Variants in VWC2 observed in about 807,000 individuals in gnomAD.
The protein encoded by VWC2 is von Willebrand factor C domain containing 2, also known as brorin.
In VWC2, 14 loss-of-function variants were observed where a neutral mutation model predicts 29.8. That is an observed-to-expected ratio of 0.47 (90% CI 0.31 to 0.74). The LOEUF (loss-of-function observed/expected upper bound fraction) is 0.74. Ranked by LOEUF, VWC2 falls within the 30% of genes least tolerant of loss-of-function variation. The probability of loss-of-function intolerance (pLI) is 0.05; values close to 1 mark genes in which losing one functional copy is unlikely to be tolerated. For missense variants in VWC2, 457 were observed against 459.8 expected (o/e 0.99, Z 0.05); for synonymous variants, 213 against 199.0 (o/e 1.07, Z -0.59).
At chr7:49,808,368 C>T (rs1788924404) in intron 3 of VWC2, among the ~76,000 whole-genome samples, 1 of 151,724 alleles carries the variant, frequency 6.6e-6, no homozygotes, top group African/African-American at 2.4e-5. Context: ...ACAACAGAGC[C>T]CCAAAATACA....
At chr7:49,845,683 A>G (rs1417792054) in intron 3 of VWC2, among the ~76,000 whole-genome samples, 2 of 152,220 alleles carry the variant, frequency 1.3e-5, no homozygotes. Context: ...GAAGCAAATT[A>G]TAATTCCTAA....
Position 49,916,723 on chromosome 7 carries a change from T to C in VWC2, c.*4538T>C, listed in dbSNP as rs1463248406. 1 of 152,252 alleles carries C rather than the reference T, an allele frequency of 6.6e-6. No individual in the cohort carries two copies. Among genetic ancestry groups the C allele is most frequent in the Non-Finnish European group, 1.5e-5 (1 of 68,040 alleles). 9.4% of individuals were successfully genotyped at this position (152,252 alleles called of 1,614,324 possible). On this transcript the variant is annotated 3_prime_UTR_variant, in exon 4 of 4. Transcript: ENST00000340652. ...TTGCTATTCTTGTTTAAGGACAATG[T>C]ATGTATTAAAGAGCAACTAAAAACT...
At chr7:49,859,124 A>C (rs1450822749) in intron 3 of VWC2, among the ~76,000 whole-genome samples, 1 of 152,202 alleles carries the variant, frequency 6.6e-6, no homozygotes, top group Admixed American at 6.5e-5. Flanking sequence ...GGAGAATTTC[A>C]CTGATGGGGC....
chr7:49,866,105 C>T (rs994559865), intron 3 of VWC2, among the ~76,000 whole-genome samples: 5 of 152,198 alleles, frequency 3.3e-5, no homozygotes, highest in African/African-American at 1.2e-4. Context: ...TTCCATCCAG[C>T]AAGTCCTGGC....
At chr7:49,865,541 A>T (rs1164897674) in intron 3 of VWC2, among the ~76,000 whole-genome samples, 1 of 152,202 alleles carries the variant, frequency 6.6e-6, no homozygotes, top group East Asian at 1.9e-4. Flanking sequence ...CCTTCCCATA[A>T]GCTAACTCAT....
intron 3 of VWC2, among the ~76,000 whole-genome samples, chr7:49,824,085 G>A (rs1789333701): frequency 6.6e-6 from 1 of 151,952 alleles, no homozygotes; most frequent in Non-Finnish European, 1.5e-5. Context: ...TATCTTTTAA[G>A]AAGAGCAGAA....
intron 3 of VWC2, among the ~76,000 whole-genome samples, chr7:49,870,993 G>A (rs1465518218): frequency 6.6e-6 from 1 of 151,972 alleles, no homozygotes; most frequent in Non-Finnish European, 1.5e-5. Context: ...TAATCAAAAT[G>A]GTAAAACATG....
At chr7:49,811,252 G>A (rs151255678) in intron 3 of VWC2, among the ~76,000 whole-genome samples, 39 of 152,246 alleles carry the variant, frequency 2.6e-4, no homozygotes, top group African/African-American at 9.1e-4. Context: ...CAATTAAGAT[G>A]ATGCTCAACC....
At chr7:49,802,261 T>C (rs1393691994) in intron 2 of VWC2, among the ~76,000 whole-genome samples, 1 of 152,234 alleles carries the variant, frequency 6.6e-6, no homozygotes, top group Non-Finnish European at 1.5e-5. Flanking sequence ...CATGCCTGTG[T>C]CCACACTCTG....
rs915393439 is a variant in VWC2 at position 49,920,193 on chromosome 7, T to C, written c.*8008T>C. The C allele has an allele frequency of 1.3e-5, 2 of 152,120 alleles. No individual in the cohort carries two copies. The highest frequency in any genetic ancestry group is 4.8e-5 in the African/African-American group (2 of 41,450). The allele number at this position is 152,120 out of a possible 1,614,324, so 9.4% of individuals were successfully genotyped here. A position where few individuals can be genotyped will look rare whatever the true frequency, so the allele number is the denominator to read the frequency against. On this transcript the variant is annotated 3_prime_UTR_variant, in exon 4 of 4. Coordinates refer to ENST00000340652, the MANE Select transcript of VWC2 (RefSeq NM_198570.5). ...GCAAAACAGAGGTTTGTCTGAAACA[T>C]TTAAAATATTAAGAAGTATGACTAA...
intron 3 of VWC2, among the ~76,000 whole-genome samples, chr7:49,881,513 C>T (rs1338442130): frequency 6.6e-6 from 1 of 152,130 alleles, no homozygotes. Flanking sequence ...TTGACTGTGG[C>T]CTTACTTATT....
At chr7:49,876,500 T>A (rs1471639961) in intron 3 of VWC2, among the ~76,000 whole-genome samples, 1 of 152,148 alleles carries the variant, frequency 6.6e-6, no homozygotes, top group Non-Finnish European at 1.5e-5. Flanking sequence ...TCATCTATAA[T>A]TATAATTCTC....
chr7:49,881,431 A>G (rs997501228), intron 3 of VWC2, among the ~76,000 whole-genome samples: 1 of 152,164 alleles, frequency 6.6e-6, no homozygotes, highest in African/African-American at 2.4e-5. Context: ...AAAGTTTAAA[A>G]AATAGAGAGA....
At chr7:49,892,531 A>G (rs1792188076) in intron 3 of VWC2, among the ~76,000 whole-genome samples, 1 of 152,202 alleles carries the variant, frequency 6.6e-6, no homozygotes, top group East Asian at 1.9e-4. Context: ...ATTCTGTTAG[A>G]AATCAGCAAA....
At chr7:49,874,268 C>A (rs1178707805) in intron 3 of VWC2, among the ~76,000 whole-genome samples, 1 of 152,200 alleles carries the variant, frequency 6.6e-6, no homozygotes, top group Non-Finnish European at 1.5e-5. Flanking sequence ...CATAGAATTA[C>A]AATACTGCAT....
At chr7:49,784,902 G>A (rs1181664226) in intron 2 of VWC2, among the ~76,000 whole-genome samples, 1 of 152,160 alleles carries the variant, frequency 6.6e-6, no homozygotes, top group African/African-American at 2.4e-5. Flanking sequence ...CTCACAAGAA[G>A]AAAGGGCAAT....
intron 3 of VWC2, among the ~76,000 whole-genome samples, chr7:49,882,247 C>A (rs1791700444): frequency 6.6e-6 from 1 of 151,974 alleles, no homozygotes; most frequent in Non-Finnish European, 1.5e-5. Flanking sequence ...CCAGAGTTTT[C>A]AATTAGGAGG....
chr7:49,820,108 A>G (rs546946497), intron 3 of VWC2, among the ~76,000 whole-genome samples: 51 of 151,816 alleles, frequency 3.4e-4, no homozygotes, highest in South Asian at 8.3e-4. Flanking sequence ...GACCCTCACA[A>G]CCTCCCTGAA....
chr7:49,778,599 G>C (rs1788101750), intron 2 of VWC2, among the ~76,000 whole-genome samples: 1 of 152,144 alleles, frequency 6.6e-6, no homozygotes, highest in African/African-American at 2.4e-5. Flanking sequence ...CTCCATTTTT[G>C]TTTCCTTCAA....
Sources: gnomAD v4.1 joint callset for allele counts (sites outside exome capture counted in the v4.1 genomes callset) on GRCh38, gnomAD v4.1.1 for gene constraint, MANE v1.5 for transcripts, NCBI Gene and HGNC (gene_info 2026-07-23, HGNC 2026-07-21) for gene names.